Variants in TMEM132B observed in about 807,000 individuals in gnomAD.
TMEM132B encodes transmembrane protein 132B.
Under a neutral mutation model 90.8 loss-of-function variants are expected in TMEM132B, and 18 were observed. That is an observed-to-expected ratio of 0.20 (90% CI 0.14 to 0.29). The LOEUF (loss-of-function observed/expected upper bound fraction) is 0.29, where lower values mean the gene tolerates loss of function less well. TMEM132B is among the 10% of genes least tolerant of loss of function. The probability of loss-of-function intolerance (pLI) is 1.00; values close to 1 mark genes in which losing one functional copy is unlikely to be tolerated. For missense variants in TMEM132B, 1,096 were observed against 1,326.8 expected (o/e 0.83, Z 2.70); for synonymous variants, 504 against 523.3 (o/e 0.96, Z 0.50).
chr12:125,534,255 G>A (rs74797906), intron 4 of TMEM132B, among the ~76,000 whole-genome samples: 2 of 152,190 alleles, frequency 1.3e-5, no homozygotes, highest in Non-Finnish European at 2.9e-5. Flanking sequence ...AGTGGCTCAC[G>A]CCTGTAATCC....
chr12:125,326,344 C>T (rs1258815425), intron 1 of TMEM132B, among the ~76,000 whole-genome samples: 1 of 152,158 alleles, frequency 6.6e-6, no homozygotes, highest in Non-Finnish European at 1.5e-5. Flanking sequence ...AGGAGAATTA[C>T]TCTGTTCCGA....
chr12:125,582,042 T>G (rs1345954016), intron 4 of TMEM132B, among the ~76,000 whole-genome samples: 1 of 152,252 alleles, frequency 6.6e-6, no homozygotes, highest in East Asian at 1.9e-4. Flanking sequence ...TTTTCACATT[T>G]CTTAGATTGG....
chr12:125,288,474 A>C (rs1875432530), intron 1 of TMEM132B, among the ~76,000 whole-genome samples: 2 of 148,618 alleles, frequency 1.3e-5, no homozygotes, highest in South Asian at 4.4e-4. Flanking sequence ...AAAAAAAAAA[A>C]AAAAAAAGAG....
At chr12:125,566,269 G>A (rs1280769327) in intron 4 of TMEM132B, among the ~76,000 whole-genome samples, 1 of 152,118 alleles carries the variant, frequency 6.6e-6, no homozygotes, top group Non-Finnish European at 1.5e-5. Context: ...TTATTGAATT[G>A]CAGATATTGG....
chr12:125,342,630 C>T (rs1477391202), intron 1 of TMEM132B, among the ~76,000 whole-genome samples: 1 of 152,160 alleles, frequency 6.6e-6, no homozygotes, highest in Admixed American at 6.5e-5. Flanking sequence ...TTTCCACTTC[C>T]TCTCTCTCCC....
Position 125,341,072 on chromosome 12 carries a change from ATGCAGTTCCC to A in TMEM132B, c.68-8378_68-8369del, listed in dbSNP as rs1877164520. On this transcript the variant is annotated intron_variant, in intron 1 of 8. Transcript: ENST00000682704. ...AGAGCTGGGCAATTCAGAGCCACAT[ATGCAGTTCCC>A]TTTAGTCACTGATTACGCTCTTACA... Among the ~76,000 whole-genome samples the A allele has an allele frequency of 2.6e-5, 4 of 152,372 alleles. No individual in the cohort carries two copies. In the South Asian group the frequency reaches 8.3e-4, roughly 32 times the overall value.
intron 2 of TMEM132B, among the ~76,000 whole-genome samples, chr12:125,401,102 C>G (rs1180699500): frequency 3.3e-5 from 5 of 152,304 alleles, no homozygotes; most frequent in Admixed American, 6.5e-5. Context: ...GCCTTCACCC[C>G]CTTCCCTGCC....
At chr12:125,440,682 G>A (rs1350982532) in intron 3 of TMEM132B, among the ~76,000 whole-genome samples, 1 of 152,170 alleles carries the variant, frequency 6.6e-6, no homozygotes, top group African/African-American at 2.4e-5. Flanking sequence ...TGGTTCAGTT[G>A]CAATCTCCAA....
intron 5 of TMEM132B, among the ~76,000 whole-genome samples, chr12:125,630,712 A>G (rs1886349199): frequency 6.6e-6 from 1 of 151,984 alleles, no homozygotes. Flanking sequence ...CTAGTACCCA[A>G]TATTTTTTCT....
rs1435479931 is a variant in TMEM132B, at chr12:125,496,591, G to T, written c.1107-22848G>T. 2.6e-5 allele frequency among the ~76,000 whole-genome samples: 4 copies of T among 152,224 alleles called. No individual in the cohort carries two copies. The Middle Eastern group carries it at 0.01, about 388-fold the overall frequency. ...AGAGAGAATACATTGGCTCAAGGATGGGGGCAACCCAGGAGGCAAATGCGG... is the reference window on the plus strand; with the variant it reads ...AGAGAGAATACATTGGCTCAAGGATTGGGGCAACCCAGGAGGCAAATGCGG... On this transcript the variant is annotated intron_variant, in intron 3 of 8. Coordinates refer to ENST00000682704, the MANE Select transcript of TMEM132B (RefSeq NM_001366854.1).
intron 3 of TMEM132B, among the ~76,000 whole-genome samples, chr12:125,422,494 A>C (rs2136379113): frequency 6.6e-6 from 1 of 152,372 alleles, no homozygotes; most frequent in African/African-American, 2.4e-5. Context: ...GGCATGTGGA[A>C]GTAGGGGAGG....
chr12:125,453,169 C>T (rs926533153), intron 3 of TMEM132B, among the ~76,000 whole-genome samples: 3 of 151,426 alleles, frequency 2.0e-5, no homozygotes, highest in Admixed American at 2.0e-4. Flanking sequence ...GCTTTCATTC[C>T]TTGTATTTGA....
chr12:125,512,385 A>G (rs1009789694), intron 3 of TMEM132B, among the ~76,000 whole-genome samples: 1 of 152,198 alleles, frequency 6.6e-6, no homozygotes, highest in Non-Finnish European at 1.5e-5. Context: ...GTAAAACATG[A>G]TAGTGGGAAT....
rs145330415 is a variant in TMEM132B at position 125,467,221 on chromosome 12, G to T, written c.1106+51544G>T. ...CAGAATGGAGACAAGGAAGAGAATA[G>T]AGCTGAGAAATTGAGACACAGATAG... is the stretch of plus-strand genomic sequence containing the variant. On this transcript the variant is annotated intron_variant, in intron 3 of 8. Coordinates refer to ENST00000682704, the MANE Select transcript of TMEM132B (RefSeq NM_001366854.1). Among the ~76,000 whole-genome samples, 556 of 152,332 alleles carry T rather than the reference G, an allele frequency of 3.6e-3. 6 individuals are homozygous for T. The highest frequency in any genetic ancestry group is 0.013 in the African/African-American group (537 of 41,568).
intron 2 of TMEM132B, among the ~76,000 whole-genome samples, chr12:125,400,121 A>G (rs958090749): frequency 2.6e-5 from 4 of 152,220 alleles, no homozygotes; most frequent in African/African-American, 9.6e-5. Flanking sequence ...GCCATCTCTC[A>G]AAAGGTAACA....
intron 2 of TMEM132B, among the ~76,000 whole-genome samples, chr12:125,374,872 A>T (rs997358543): frequency 6.6e-6 from 1 of 152,140 alleles, no homozygotes; most frequent in Non-Finnish European, 1.5e-5. Context: ...TGGTGGCTTC[A>T]TGTTGCAGAA....
intron 3 of TMEM132B, among the ~76,000 whole-genome samples, chr12:125,518,987 A>G (rs886980463): frequency 3.3e-5 from 5 of 152,194 alleles, no homozygotes; most frequent in Admixed American, 2.6e-4. Flanking sequence ...AGTTTTAACA[A>G]CTGGTCTACA....
At chr12:125,215,463 C>G (rs893349158) in intron 1 of TMEM132B, among the ~76,000 whole-genome samples, 8 of 152,198 alleles carry the variant, frequency 5.3e-5, no homozygotes, top group African/African-American at 9.7e-5. Flanking sequence ...TCAAAGCCAG[C>G]AGCATAGTAT....
chr12:125,640,898 G>A (rs951393119), intron 5 of TMEM132B, among the ~76,000 whole-genome samples: 3 of 151,110 alleles, frequency 2.0e-5, no homozygotes, highest in Admixed American at 1.3e-4. Flanking sequence ...CTGAATTAGC[G>A]AGTACTGAAC....
Sources: gnomAD v4.1 joint callset for allele counts (sites outside exome capture counted in the v4.1 genomes callset) on GRCh38, gnomAD v4.1.1 for gene constraint, MANE v1.5 for transcripts, NCBI Gene and HGNC (gene_info 2026-07-23, HGNC 2026-07-21) for gene names.